Variants in GSE1 observed in about 807,000 individuals in gnomAD.
GSE1 encodes Gse1 coiled-coil protein.
Under a neutral mutation model 112.6 loss-of-function variants are expected in GSE1, and 32 were observed. That is an observed-to-expected ratio of 0.28 (90% CI 0.21 to 0.38). The LOEUF (loss-of-function observed/expected upper bound fraction) is 0.38, where lower values mean the gene tolerates loss of function less well. GSE1 is among the 10% of genes least tolerant of loss of function. The pLI is 1.00. For missense variants in GSE1, 2,348 were observed against 1,699.2 expected (o/e 1.38, Z -6.71); for synonymous variants, 1,115 against 735.6 (o/e 1.52, Z -8.35).
At chr16:85,268,511 T>C (rs1230409202) in intron 1 of GSE1, among the ~76,000 whole-genome samples, 1 of 151,848 alleles carries the variant, frequency 6.6e-6, no homozygotes, top group East Asian at 1.9e-4. Flanking sequence ...CAGTCAGGGG[T>C]GCTGGCTTTG....
chr16:85,225,388 G>A (rs1279677747), intron 1 of GSE1, among the ~76,000 whole-genome samples: 1 of 152,208 alleles, frequency 6.6e-6, no homozygotes, highest in Non-Finnish European at 1.5e-5. Context: ...GAGGGAACGG[G>A]TGTGGGGCTT....
chr16:85,283,891 G>A (rs1045259066), intron 1 of GSE1, among the ~76,000 whole-genome samples: 14 of 152,302 alleles, frequency 9.2e-5, no homozygotes, highest in African/African-American at 2.9e-4. Flanking sequence ...ATCTCAGGCC[G>A]TCTGGCTCCA....
At chr16:85,638,680 T>G (rs1275560418) in intron 2 of GSE1, among the ~76,000 whole-genome samples, 1 of 22,446 alleles carries the variant, frequency 4.5e-5, no homozygotes, top group African/African-American at 1.8e-4. Context: ...CCCCCCACCC[T>G]AATGCTGCCT....
At chr16:85,431,075 G>GT (rs376544988) in intron 2 of GSE1, among the ~76,000 whole-genome samples, 2 of 33,702 alleles carry the variant, frequency 5.9e-5, no homozygotes, top group East Asian at 3.4e-4. Flanking sequence ...CCACTGCCTC[G>GT]GGGGGCGGAT....
At chr16:85,553,118 A>T (rs976645222), upstream of GSE1, among the ~76,000 whole-genome samples, 1 of 151,824 alleles carries the variant, frequency 6.6e-6, no homozygotes. Context: ...TGGGCGGTCT[A>T]ACCCGCGCTC....
rs1296968512 is a variant in GSE1, at chr16:85,313,984, GTGTA to G, written c.2284-43475_2284-43472del. 3.3e-3 allele frequency among the ~76,000 whole-genome samples: 468 copies of G among 141,458 alleles called. 2 individuals are homozygous for G. The highest frequency in any genetic ancestry group is 0.014 in the African/African-American group (427 of 31,516). 92.8% of individuals were successfully genotyped at this position (141,458 alleles called of 152,430 possible). The stretch of plus-strand genomic sequence containing the variant: ...GTGTGTGTGTGACACAGCCTAGTGT[GTGTA>G]TGTGTGTGTGTGTGATACAGCCTAG... On this transcript the variant is annotated intron_variant, in intron 1 of 2. Transcript: ENST00000637419.
At chr16:85,358,481 C>T (rs2046999115) in intron 2 of GSE1, among the ~76,000 whole-genome samples, 1 of 152,186 alleles carries the variant, frequency 6.6e-6, no homozygotes, top group Admixed American at 6.5e-5. Flanking sequence ...CCAGCCCAGC[C>T]CGCCCCTGGT....
In GSE1 at chr16:85,661,379, T is replaced by A; in HGVS notation, c.1874T>A (p.Val625Glu). ...CAGGCAGCCGTGCCGCTGGTGAAGG[T>A]GGAGCGGGTCTTCTGCCCGGAGAAA... ...SRQAAVPLVK[V>E]ERVFCPEKAE... Residue 625 changes from valine (V) to glutamate (E), a missense_variant, in exon 9 of 16, where the codon GTG (valine) becomes GAG (glutamate). By Grantham distance (121) the Val-to-Glu change is moderately radical. Transcript: ENST00000253458. 3 of 1,612,218 alleles carry A rather than the reference T, an allele frequency of 1.9e-6. No individual in the cohort carries two copies. The highest frequency in any genetic ancestry group is 2.5e-6 in the Non-Finnish European group (3 of 1,179,682).
At chr16:85,199,764 C>T (rs1268461566) in intron 1 of GSE1, among the ~76,000 whole-genome samples, 1 of 152,130 alleles carries the variant, frequency 6.6e-6, no homozygotes, top group Non-Finnish European at 1.5e-5. Flanking sequence ...GCCCACTCAG[C>T]CACACAGCAG....
intron 1 of GSE1, among the ~76,000 whole-genome samples, chr16:85,219,852 TTGTTTCTGGCCTG>T (rs1275627043): frequency 2.0e-5 from 3 of 152,228 alleles, no homozygotes; most frequent in Non-Finnish European, 2.9e-5. Context: ...CGACGTCTCT[TTGTTTCTGGCCTG>T]GGCCAGGGAA....
intron 2 of GSE1, among the ~76,000 whole-genome samples, chr16:85,537,272 A>T (rs2044362316): frequency 6.6e-6 from 1 of 152,214 alleles, no homozygotes; most frequent in Non-Finnish European, 1.5e-5. Context: ...GGGCTGTGTG[A>T]AGAGGAGCCG....
chr16:85,486,017 G>A (rs988015697), intron 2 of GSE1, among the ~76,000 whole-genome samples: 7 of 152,176 alleles, frequency 4.6e-5, no homozygotes, highest in Non-Finnish European at 1.0e-4. Flanking sequence ...GGGTGTCATG[G>A]CCCCATTCTA....
chr16:85,265,634 A>T (rs750533975), intron 1 of GSE1, among the ~76,000 whole-genome samples: 3 of 152,148 alleles, frequency 2.0e-5, no homozygotes, highest in Non-Finnish European at 4.4e-5. Flanking sequence ...CCAGAGGCTG[A>T]TGCCTACCCT....
chr16:85,631,031 C>T (rs904473771), intron 1 of GSE1, among the ~76,000 whole-genome samples: 1 of 152,130 alleles, frequency 6.6e-6, no homozygotes, highest in Non-Finnish European at 1.5e-5. Flanking sequence ...TCTTTGCGTT[C>T]CCCGGGGCCC....
intron 1 of GSE1, among the ~76,000 whole-genome samples, chr16:85,224,649 G>A (rs1597839572): frequency 6.6e-6 from 1 of 152,166 alleles, no homozygotes; most frequent in African/African-American, 2.4e-5. Context: ...CCCCTGCCGA[G>A]CTTACCTTCT....
intron 1 of GSE1, among the ~76,000 whole-genome samples, chr16:85,191,335 C>A (rs970553364): frequency 2.2e-4 from 33 of 152,146 alleles, no homozygotes; most frequent in African/African-American, 7.7e-4. Context: ...ATAATTTGCC[C>A]TTTAAAGTGT....
chr16:85,488,889 C>G (rs1214175737), intron 2 of GSE1, among the ~76,000 whole-genome samples: 3 of 152,106 alleles, frequency 2.0e-5, no homozygotes, highest in African/African-American at 4.8e-5. Flanking sequence ...AAGACCCCCC[C>G]ATTCTAACAG....
intron 1 of GSE1, among the ~76,000 whole-genome samples, chr16:85,571,852 C>T (rs1404262119): frequency 3.9e-5 from 6 of 151,958 alleles, no homozygotes; most frequent in Non-Finnish European, 7.4e-5. Context: ...ATCTGAGAGA[C>T]GGTGGCTGTC....
chr16:85,652,968 G>T (rs913481898), intron 3 of GSE1, among the ~76,000 whole-genome samples: 6 of 151,730 alleles, frequency 4.0e-5, no homozygotes, highest in Admixed American at 1.3e-4. Flanking sequence ...GGAAGGGCCG[G>T]GTTCCCGTGG....
Sources: allele counts gnomAD v4.1 joint callset (sites outside exome capture counted in the v4.1 genomes callset), GRCh38; gene constraint gnomAD v4.1.1; transcripts MANE v1.5; gene names NCBI Gene and HGNC (gene_info 2026-07-23, HGNC 2026-07-21).